Variants in WAPL observed in about 807,000 individuals in gnomAD.
The protein encoded by WAPL is wings apart-like protein homolog.
A neutral mutation model predicts 121.0 loss-of-function variants in WAPL; 5 were observed. That is an observed-to-expected ratio of 0.04 (90% confidence interval 0.02 to 0.09). The LOEUF (loss-of-function observed/expected upper bound fraction) is 0.09, where lower values mean the gene tolerates loss of function less well. Ranked by LOEUF, WAPL falls within the 10% of genes least tolerant of loss-of-function variation. WAPL has a pLI of 1.00. For synonymous variants in WAPL, 480 were observed against 481.5 expected (o/e 1.00, Z 0.04); for missense variants, 999 against 1,410.8 (o/e 0.71, Z 4.68).
intron 8 of WAPL, among the ~76,000 whole-genome samples, chr10:86,469,340 C>T (rs566816222): frequency 9.0e-6 from 1 of 111,342 alleles, no homozygotes; most frequent in Non-Finnish European, 1.9e-5. Flanking sequence ...GCAACCTCCG[C>T]CTCCCAGGTT....
At chr10:86,508,965 G>C (rs974005876) in intron 2 of WAPL, among the ~76,000 whole-genome samples, 1 of 151,208 alleles carries the variant, frequency 6.6e-6, no homozygotes, top group Non-Finnish European at 1.5e-5. Flanking sequence ...CCGTGGTCTC[G>C]ATCTCCTGAC....
chr10:86,516,845 G>A (rs1325205489), intron 2 of WAPL, among the ~76,000 whole-genome samples: 1 of 152,098 alleles, frequency 6.6e-6, no homozygotes, highest in Non-Finnish European at 1.5e-5. Flanking sequence ...CAGCACTTTG[G>A]GAGGTGAGGC....
At chr10:86,481,053 A>G (rs1008490328) in intron 4 of WAPL, among the ~76,000 whole-genome samples, 20 of 152,236 alleles carry the variant, frequency 1.3e-4, no homozygotes, top group Non-Finnish European at 2.6e-4. Flanking sequence ...GCCACCTTTG[A>G]ACAACAGTAA....
chr10:86,439,125 A>G (rs1849399155), intron 17 of WAPL, among the ~76,000 whole-genome samples: 1 of 152,210 alleles, frequency 6.6e-6, no homozygotes, highest in African/African-American at 2.4e-5. Context: ...AGCGGGGGCA[A>G]AAAAGGAGAG....
intron 2 of WAPL, among the ~76,000 whole-genome samples, chr10:86,515,717 G>C (rs1842541774): frequency 6.6e-6 from 1 of 152,102 alleles, no homozygotes; most frequent in African/African-American, 2.4e-5. Flanking sequence ...GGGAAGCGGA[G>C]GTTGCAGTGA....
chr10:86,458,818 T>C (rs1841208231), intron 12 of WAPL, among the ~76,000 whole-genome samples, 171 bp downstream of exon 12: 1 of 152,236 alleles, frequency 6.6e-6, no homozygotes, highest in East Asian at 1.9e-4. Context: ...TGTCATTTTG[T>C]GTCCAAAATC....
intron 12 of WAPL, among the ~76,000 whole-genome samples, chr10:86,454,811 T>C (rs374691031): frequency 0.011 from 1,434 of 135,376 alleles, 29 homozygotes; most frequent in African/African-American, 0.038. Context: ...CGGCCGCCCA[T>C]CGTCTGAGAT....
rs371957904 is a variant in WAPL, at chr10:86,521,525, T to TG, written c.-184dup. 187 of 364,922 alleles carry TG rather than the reference T, an allele frequency of 5.1e-4. 2 individuals are homozygous for TG. The East Asian group carries it at 0.013, about 24-fold the overall frequency. The allele number at this position is 364,922 out of a possible 1,614,324, so 22.6% of individuals were successfully genotyped here. ...GCTTTCGGTAAATAGGAAGCCCGGT[T>TG]GGGGGGGCAGGAGCGGCGGCCCCGC... On this transcript the variant is annotated 5_prime_UTR_variant, in exon 1 of 19. Transcript: ENST00000298767.
At chr10:86,487,681 G>A (rs182073188) in intron 4 of WAPL, among the ~76,000 whole-genome samples, 1 of 152,208 alleles carries the variant, frequency 6.6e-6, no homozygotes, top group Non-Finnish European at 1.5e-5. Flanking sequence ...ACGAGGTCAG[G>A]AGAGCAAGAC....
At chr10:86,448,327 T>C (rs1840887500) in intron 15 of WAPL, among the ~76,000 whole-genome samples, 1 of 152,022 alleles carries the variant, frequency 6.6e-6, no homozygotes, top group Non-Finnish European at 1.5e-5. Context: ...GGCATGTGCC[T>C]GTAGTTCCAC....
Position 86,500,319 on chromosome 10 carries a change from T to G in WAPL, c.924A>C (p.Ala308=). The part of the protein sequence containing the change: ...RANKTKSSQG[A]SNFDKLMDGT... ...CGTCCATCAGCTTATCAAAATTTGA[T>G]GCTCCTTGGGAGGATTTCGTTTTAT... Residue 308 remains alanine, a synonymous_variant, in exon 3 of 19, where the codon GCA becomes GCC. Transcript: ENST00000298767. 1 of 1,614,260 alleles carries G rather than the reference T, an allele frequency of 6.2e-7. No homozygotes were observed. Among genetic ancestry groups the G allele is most frequent in the Non-Finnish European group, 8.5e-7 (1 of 1,180,042 alleles).
chr10:86,521,718 G>A lies in WAPL; in HGVS notation c.-376C>T. ...ATGGTCAGTGCTGGAGTTTGAACAG[G>A]GCCCTGAACCATCTCAACGCCATTT... is the stretch of plus-strand genomic sequence containing the variant. On this transcript the variant is annotated 5_prime_UTR_variant, in exon 1 of 19. Coordinates refer to ENST00000298767, the MANE Select transcript of WAPL (RefSeq NM_015045.5). 1 of 457,976 alleles carries A rather than the reference G, an allele frequency of 2.2e-6. No homozygotes were observed. The allele number at this position is 457,976 out of a possible 1,614,324, so 28.4% of individuals were successfully genotyped here. A position where few individuals can be genotyped will look rare whatever the true frequency, so the allele number is the denominator to read the frequency against.
At position 86,446,419 on chromosome 10, in the gene WAPL, G is replaced by C. The variant is rs11598345; in HGVS notation, c.3145C>G (p.Leu1049Val). Residue 1049 changes from leucine to valine, a missense_variant, in exon 16 of 19, where the codon CTA (leucine) becomes GTA (valine). By Grantham distance (32) the Leu-to-Val change is conservative (BLOSUM62 1). This residue lies in a region of WAPL where 126 missense variants were observed against 144.0 expected (regional missense o/e 0.87). Coordinates refer to ENST00000298767, the MANE Select transcript of WAPL (RefSeq NM_015045.5). ...LFLERERAAQ[L>V]AESKTDELIK... is the part of the protein sequence containing the mutation. ...AACTCATCTGTTTTACTTTCTGCTA[G>C]CTGGGCTGCCCGCTCTCGCTCAAGG... 2 of 1,614,076 alleles carry C rather than the reference G, an allele frequency of 1.2e-6. No homozygotes were observed. The highest frequency in any genetic ancestry group is 2.2e-5 in the South Asian group (2 of 91,082).
rs1209673843 is a variant in WAPL at position 86,467,254 on chromosome 10, TAGAA to T, written c.2370+21_2370+24del. The T allele has an allele frequency of 3.1e-6, 5 of 1,596,428 alleles. No individual in the cohort carries two copies. The South Asian group carries it at 3.3e-5, about 11-fold the overall frequency. ...GACTTTCTGAAAGTAATTCTCATCT[TAGAA>T]GGAAGGAAGAAGGAACCCACCGTTA... is the stretch of plus-strand genomic sequence containing the variant. On this transcript the variant is annotated intron_variant, in intron 9 of 18. Transcript: ENST00000298767.
intron 9 of WAPL, among the ~76,000 whole-genome samples, chr10:86,465,030 ACC>A (rs576886309): frequency 7.0e-4 from 106 of 152,260 alleles, no homozygotes; most frequent in Non-Finnish European, 1.0e-3. Flanking sequence ...CTCCACCATA[ACC>A]AGAATCTATT....
intron 12 of WAPL, among the ~76,000 whole-genome samples, chr10:86,455,108 G>A (rs1266463478): frequency 1.4e-5 from 2 of 141,016 alleles, no homozygotes; most frequent in African/African-American, 2.7e-5. Context: ...TCCAGGAGGT[G>A]GGGGGGTGCC....
intron 4 of WAPL, among the ~76,000 whole-genome samples, chr10:86,495,549 G>A (rs778541681): frequency 4.0e-5 from 6 of 151,776 alleles, no homozygotes; most frequent in Non-Finnish European, 7.4e-5. Flanking sequence ...CGATCTAAAC[G>A]TAACGACCTA....
chr10:86,508,534 T>C (rs1482054803), intron 2 of WAPL, among the ~76,000 whole-genome samples: 1 of 152,136 alleles, frequency 6.6e-6, no homozygotes, highest in Non-Finnish European at 1.5e-5. Flanking sequence ...TCCTCACCCC[T>C]TGGATCACTC....
intron 3 of WAPL, among the ~76,000 whole-genome samples, chr10:86,499,102 T>C (rs762957987): frequency 1.3e-4 from 20 of 152,356 alleles, no homozygotes; most frequent in Non-Finnish European, 2.2e-4. Flanking sequence ...AACATCACGA[T>C]GTTTGGTGTC....
Sources: allele counts gnomAD v4.1 joint callset (sites outside exome capture counted in the v4.1 genomes callset), GRCh38; gene constraint gnomAD v4.1.1; regional missense constraint gnomAD v4.1.1; transcripts MANE v1.5; gene names NCBI Gene and HGNC (gene_info 2026-07-23, HGNC 2026-07-21).